The following GUCY1A2 variants were observed in gnomAD, a reference collection of about 807,000 sequenced individuals.
GUCY1A2 encodes guanylate cyclase soluble subunit alpha-2.
In GUCY1A2, 27 loss-of-function variants were observed where a neutral mutation model predicts 63.5. The observed-to-expected ratio is 0.43, with a 90% CI of 0.31 to 0.59. The LOEUF (loss-of-function observed/expected upper bound fraction) is 0.59, where lower values mean the gene tolerates loss of function less well. Among genes scored for constraint, GUCY1A2 ranks in the 20% least tolerant of loss-of-function variants. The pLI is 0.11. For synonymous variants in GUCY1A2, 364 were observed against 343.5 expected, an observed-to-expected ratio of 1.06 and a Z score of -0.66; for missense variants, 768 against 913.3, an observed-to-expected ratio of 0.84 and a Z score of 2.05.
rs566177776 is a variant in GUCY1A2 at position 107,004,898 on chromosome 11, G to A, written c.303+12855C>T. On this transcript the variant is annotated intron_variant, in intron 1 of 7. Coordinates refer to ENST00000526355, the MANE Select transcript of GUCY1A2 (RefSeq NM_000855.3). Reference sequence around the variant, plus strand: ...ATGATGCTTGCTTAGCATATTCAAGGAGTGCATCATAGAACCATGAGTATA... The same window carrying A: ...ATGATGCTTGCTTAGCATATTCAAGAAGTGCATCATAGAACCATGAGTATA... Among the ~76,000 whole-genome samples, 44 of 152,258 alleles carry A rather than the reference G, an allele frequency of 2.9e-4. No individual in the cohort carries two copies. In the South Asian group the frequency reaches 8.7e-3, roughly 30 times the overall value.
intron 3 of GUCY1A2, among the ~76,000 whole-genome samples, chr11:106,941,991 C>G (rs934878391): frequency 2.0e-5 from 3 of 152,146 alleles, no homozygotes; most frequent in Non-Finnish European, 4.4e-5. Context: ...TACAAGACTG[C>G]TCTTCAACAT....
intron 6 of GUCY1A2, among the ~76,000 whole-genome samples, chr11:106,709,196 A>G (rs1186996714): frequency 1.6e-5 from 2 of 127,942 alleles, no homozygotes; most frequent in African/African-American, 5.8e-5. Flanking sequence ...ATAACTATAT[A>G]TAATATACAT....
chr11:106,816,900 T>G (rs1342801141), intron 4 of GUCY1A2, among the ~76,000 whole-genome samples: 1 of 151,712 alleles, frequency 6.6e-6, no homozygotes, highest in Non-Finnish European at 1.5e-5. Context: ...TCAACCAAGA[T>G]GAAACTGATA....
At position 106,704,999 on chromosome 11, in the gene GUCY1A2, G is replaced by A. The variant is rs74861535; in HGVS notation, c.1991+3513C>T. ...AACTTATCCCATCATTGGGATGATG[G>A]GAACAAAAATGTGTGTAAACACATT... On this transcript the variant is annotated intron_variant, in intron 7 of 7. Transcript: ENST00000526355. Among the ~76,000 whole-genome samples the A allele has an allele frequency of 4.8e-3, 735 of 151,610 alleles. 4 individuals carry two copies. The highest frequency in any genetic ancestry group is 0.017 in the African/African-American group (714 of 41,420).
intron 1 of GUCY1A2, among the ~76,000 whole-genome samples, chr11:106,996,256 G>A (rs747632408): frequency 1.9e-4 from 29 of 152,126 alleles, no homozygotes; most frequent in Non-Finnish European, 3.4e-4. Context: ...GAAAAAGAAG[G>A]GGAGGGGAAT....
At chr11:106,772,367 T>A (rs1864273241) in intron 6 of GUCY1A2, among the ~76,000 whole-genome samples, 1 of 152,140 alleles carries the variant, frequency 6.6e-6, no homozygotes, top group Non-Finnish European at 1.5e-5. Flanking sequence ...TCAACTCTAC[T>A]ACAACACCCC....
At chr11:107,013,125 T>A (rs1348237989) in intron 1 of GUCY1A2, among the ~76,000 whole-genome samples, 1 of 152,016 alleles carries the variant, frequency 6.6e-6, no homozygotes, top group East Asian at 1.9e-4. Context: ...TCCTCTTCAC[T>A]AGTCTCTGTT....
intron 3 of GUCY1A2, among the ~76,000 whole-genome samples, chr11:106,953,062 C>T (rs191971362): frequency 6.6e-6 from 1 of 152,268 alleles, no homozygotes; most frequent in African/African-American, 2.4e-5. Context: ...ACTTCTAATA[C>T]TATGTTGAAT....
At chr11:106,790,319 C>T (rs112961910) in intron 5 of GUCY1A2, among the ~76,000 whole-genome samples, 3 of 152,180 alleles carry the variant, frequency 2.0e-5, no homozygotes, top group Non-Finnish European at 2.9e-5. Flanking sequence ...CTGATGTTCA[C>T]TTAAGGCCCA....
intron 5 of GUCY1A2, among the ~76,000 whole-genome samples, chr11:106,808,316 G>T (rs115025705): frequency 0.013 from 1,983 of 151,986 alleles, 44 homozygotes; most frequent in African/African-American, 0.045. Context: ...AAAACTTGTT[G>T]ATTATTATTC....
chr11:106,936,760 A>T (rs774587042), intron 4 of GUCY1A2: 1 of 1,030,976 alleles, frequency 9.7e-7, no homozygotes, highest in South Asian at 1.4e-5. Flanking sequence ...TTGGTATTAA[A>T]TGCACAAACA....
chr11:106,860,236 T>A (rs1859491554), intron 4 of GUCY1A2, among the ~76,000 whole-genome samples: 1 of 151,506 alleles, frequency 6.6e-6, no homozygotes. Flanking sequence ...TACCCAGACA[T>A]AAACATTTCT....
At chr11:106,890,315 C>T (rs1361705734) in intron 4 of GUCY1A2, among the ~76,000 whole-genome samples, 3 of 152,102 alleles carry the variant, frequency 2.0e-5, no homozygotes, top group African/African-American at 7.2e-5. Flanking sequence ...ATTTAAGTAA[C>T]TTCTCCTTTC....
At chr11:106,752,524 C>A (rs544454824) in intron 6 of GUCY1A2, among the ~76,000 whole-genome samples, 119 of 152,176 alleles carry the variant, frequency 7.8e-4, no homozygotes, top group African/African-American at 2.8e-3. Context: ...CCCCGACCCC[C>A]CAGCAGGCCC....
chr11:106,744,051 C>T (rs1477584699), intron 6 of GUCY1A2, among the ~76,000 whole-genome samples: 2 of 152,140 alleles, frequency 1.3e-5, no homozygotes, highest in Admixed American at 1.3e-4. Context: ...GGATGTATAA[C>T]ATACATCATT....
chr11:106,854,476 A>G (rs945638204), intron 4 of GUCY1A2, among the ~76,000 whole-genome samples: 17 of 152,050 alleles, frequency 1.1e-4, no homozygotes, highest in African/African-American at 4.1e-4. Flanking sequence ...TCTTCTGGCT[A>G]GTGGACAAGG....
rs75371829 is a variant in GUCY1A2 at position 106,874,623 on chromosome 11, A to T, written c.1207-64145T>A. On this transcript the variant is annotated intron_variant, in intron 4 of 7. Coordinates refer to ENST00000526355, the MANE Select transcript of GUCY1A2 (RefSeq NM_000855.3). ...ATTTAGACAACTTTCTTTTCCAAAG[A>T]AGAATGCCGACCTTATTATTGGCAT... is the stretch of plus-strand genomic sequence containing the variant. 3.9e-3 allele frequency among the ~76,000 whole-genome samples: 593 copies of T among 152,258 alleles called. 4 individuals are homozygous for T. Among genetic ancestry groups the T allele is most frequent in the African/African-American group, 0.014 (570 of 41,562 alleles).
intron 1 of GUCY1A2, among the ~76,000 whole-genome samples, chr11:106,989,593 A>G (rs1294074860): frequency 3.3e-5 from 5 of 152,184 alleles, no homozygotes; most frequent in Non-Finnish European, 7.4e-5. Flanking sequence ...ATGTAGGAAC[A>G]CAGACTTCAA....
chr11:106,854,572 G>A (rs185136424), intron 4 of GUCY1A2, among the ~76,000 whole-genome samples: 16 of 152,262 alleles, frequency 1.1e-4, no homozygotes, highest in African/African-American at 1.7e-4. Context: ...CACGTAAGGC[G>A]GACGAACCCT....
Sources: gnomAD v4.1 joint callset for allele counts (sites outside exome capture counted in the v4.1 genomes callset) on GRCh38, gnomAD v4.1.1 for gene constraint, MANE v1.5 for transcripts, NCBI Gene and HGNC (gene_info 2026-07-23, HGNC 2026-07-21) for gene names.